Variants in SGCD observed in about 807,000 individuals in gnomAD.
The protein encoded by SGCD is delta-sarcoglycan.
In SGCD, 18 loss-of-function variants were observed where a neutral mutation model predicts 36.6. That is an observed-to-expected ratio of 0.49 (90% CI 0.34 to 0.73). The LOEUF (loss-of-function observed/expected upper bound fraction) is 0.73. Ranked by LOEUF, SGCD falls within the 30% of genes least tolerant of loss-of-function variation. The pLI, the probability that SGCD is intolerant of heterozygous loss-of-function variation, is 0.01. For synonymous variants in SGCD, 133 were observed against 130.6 expected (o/e 1.02, Z -0.12); for missense variants, 387 against 346.7 (o/e 1.12, Z -0.92).
intron 4 of SGCD, among the ~76,000 whole-genome samples, chr5:156,577,375 T>G (rs1042555679): frequency 6.6e-6 from 1 of 152,200 alleles, no homozygotes; most frequent in Non-Finnish European, 1.5e-5. Context: ...TTGTTCTTTT[T>G]GCTTAGGATT....
rs1429752848 is a variant in SGCD at position 156,062,040 on chromosome 5, T to G, written c.-281-55838T>G. On this transcript the variant is annotated intron_variant, in intron 1 of 9. Transcript: ENST00000517913. ...CTGGTGCGCTGCACCCACTAATGTGTCATCTAGCATTAGGTATATCTCCCA... is the reference window on the plus strand; with the variant it reads ...CTGGTGCGCTGCACCCACTAATGTGGCATCTAGCATTAGGTATATCTCCCA... Among the ~76,000 whole-genome samples the G allele has an allele frequency of 2.2e-5, 2 of 89,540 alleles. 1 individual carries two copies. Among genetic ancestry groups the G allele is most frequent in the African/African-American group, 1.2e-4 (2 of 16,146 alleles). The allele number at this position is 89,540 out of a possible 152,430, so 58.7% of individuals were successfully genotyped here. A position where few individuals can be genotyped will look rare whatever the true frequency, so the allele number is the denominator to read the frequency against.
At chr5:156,723,206 G>T (rs919548865) in intron 7 of SGCD, among the ~76,000 whole-genome samples, 1 of 152,182 alleles carries the variant, frequency 6.6e-6, no homozygotes, top group Admixed American at 6.5e-5. Context: ...AGTTATCTGA[G>T]ATTGAAAGGT....
chr5:156,636,222 TTTAC>T (rs199522078), intron 6 of SGCD, among the ~76,000 whole-genome samples: 50 of 152,278 alleles, frequency 3.3e-4, no homozygotes, highest in East Asian at 2.7e-3. Flanking sequence ...GGCTTACTCG[TTTAC>T]TTACTTACTA....
At chr5:156,581,962 G>T (rs1489234229) in intron 4 of SGCD, among the ~76,000 whole-genome samples, 1 of 152,148 alleles carries the variant, frequency 6.6e-6, no homozygotes. Context: ...AGATTAACCA[G>T]GTACCTCAGT....
intron 3 of SGCD, among the ~76,000 whole-genome samples, chr5:156,497,427 T>C (rs1373373076): frequency 6.6e-6 from 1 of 152,156 alleles, no homozygotes; most frequent in African/African-American, 2.4e-5. Context: ...TTCCTGTTTA[T>C]ACATTACTGT....
rs1261999535 is a variant in SGCD at position 156,126,894 on chromosome 5, G to A, written c.-44+2875G>A. ...GGCATGCAAATTCTTCATTTCCCAG[G>A]CTTACTATTTGACTTTACTAAGTCA... On this transcript the variant is annotated intron_variant, in intron 3 of 9. Coordinates refer to the SGCD transcript ENST00000517913. Among the ~76,000 whole-genome samples, 4 of 152,240 alleles carry A rather than the reference G, an allele frequency of 2.6e-5. No individual in the cohort carries two copies. In the East Asian group the frequency reaches 5.8e-4, roughly 22 times the overall value.
At chr5:156,670,617 A>G (rs1027778118) in intron 7 of SGCD, among the ~76,000 whole-genome samples, 1 of 152,236 alleles carries the variant, frequency 6.6e-6, no homozygotes, top group South Asian at 2.1e-4. Flanking sequence ...ACAAGCTTAC[A>G]ACAGTTTTTA....
intron 3 of SGCD, among the ~76,000 whole-genome samples, chr5:156,388,812 T>G (rs1771415567): frequency 6.6e-6 from 1 of 152,256 alleles, no homozygotes; most frequent in African/African-American, 2.4e-5. Context: ...ATTAGTATTT[T>G]AAATATTTCC....
intron 1 of SGCD, among the ~76,000 whole-genome samples, chr5:156,094,114 C>T (rs1164755527): frequency 6.6e-6 from 1 of 152,096 alleles, no homozygotes. Context: ...AGGTCTGGCT[C>T]CTTTTATGGT....
chr5:156,146,294 T>G (rs1296576314), intron 3 of SGCD, among the ~76,000 whole-genome samples: 1 of 152,210 alleles, frequency 6.6e-6, no homozygotes, highest in Non-Finnish European at 1.5e-5. Context: ...AACATCATCT[T>G]AGCATACTAC....
At chr5:156,235,088 G>A (rs75940341) in intron 3 of SGCD, among the ~76,000 whole-genome samples, 3,417 of 152,242 alleles carry the variant, frequency 0.022, 134 homozygotes, top group African/African-American at 0.073. Flanking sequence ...GCCTGATAAT[G>A]TATGCTTTCC....
At chr5:156,409,572 C>T (rs1772632329) in intron 3 of SGCD, among the ~76,000 whole-genome samples, 1 of 152,310 alleles carries the variant, frequency 6.6e-6, no homozygotes, top group African/African-American at 2.4e-5. Context: ...CTCGTTCTTA[C>T]ATTCTGTAGA....
intron 6 of SGCD, among the ~76,000 whole-genome samples, chr5:156,608,575 C>T: frequency 6.6e-6 from 1 of 152,268 alleles, no homozygotes; most frequent in South Asian, 2.1e-4. Context: ...TGGTGCAGAG[C>T]TGAGTTCAAT....
At chr5:156,469,218 A>G (rs1318055416) in intron 3 of SGCD, among the ~76,000 whole-genome samples, 1 of 152,108 alleles carries the variant, frequency 6.6e-6, no homozygotes, top group Non-Finnish European at 1.5e-5. Context: ...GAGTTTTTTT[A>G]GTCCATATTT....
At chr5:156,166,054 T>G (rs1041986098) in intron 3 of SGCD, among the ~76,000 whole-genome samples, 3 of 149,424 alleles carry the variant, frequency 2.0e-5, no homozygotes, top group Admixed American at 6.7e-5. Flanking sequence ...CCCTAATCTC[T>G]TAGATTCTAA....
intron 3 of SGCD, among the ~76,000 whole-genome samples, chr5:156,369,264 T>A (rs1561649965): frequency 1.3e-5 from 2 of 152,310 alleles, no homozygotes; most frequent in Non-Finnish European, 2.9e-5. Flanking sequence ...GCAGTGTTGT[T>A]TTTCTTTATG....
At chr5:156,284,905 AT>A (rs1215207216) in intron 3 of SGCD, among the ~76,000 whole-genome samples, 3 of 152,218 alleles carry the variant, frequency 2.0e-5, no homozygotes, top group African/African-American at 7.2e-5. Flanking sequence ...AGATGACATG[AT>A]TGTGTATCTA....
intron 3 of SGCD, among the ~76,000 whole-genome samples, chr5:156,464,568 C>T (rs984175195): frequency 6.6e-6 from 1 of 152,086 alleles, no homozygotes; most frequent in African/African-American, 2.4e-5. Context: ...ATCTTCAGAA[C>T]AGACATATAC....
At chr5:155,732,346 G>A in the SGCD span, among the ~76,000 whole-genome samples, 1 of 152,192 alleles carries the variant, frequency 6.6e-6, no homozygotes, top group Non-Finnish European at 1.5e-5. Flanking sequence ...GCTAAAATTT[G>A]AGTCCAGGCG....
Sources: gnomAD v4.1 joint callset for allele counts (sites outside exome capture counted in the v4.1 genomes callset) on GRCh38, gnomAD v4.1.1 for gene constraint, MANE v1.5 for transcripts, NCBI Gene and HGNC (gene_info 2026-07-23, HGNC 2026-07-21) for gene names.